The following METTL2A variants were observed in gnomAD, a reference collection of about 807,000 sequenced individuals.
METTL2A encodes tRNA N(3)-cytidine methyltransferase METTL2A.
In METTL2A, 45 loss-of-function variants were observed where a neutral mutation model predicts 49.4. The observed-to-expected ratio is 0.91, with a 90% CI of 0.72 to 1.17. The LOEUF is 1.17. METTL2A is among the 50% of genes most tolerant of loss of function. The pLI, the probability that METTL2A is intolerant of heterozygous loss-of-function variation, is 0.00. For synonymous variants in METTL2A, 118 were observed against 167.5 expected, an observed-to-expected ratio of 0.70 and a Z score of 2.28; for missense variants, 361 against 462.2, an observed-to-expected ratio of 0.78 and a Z score of 2.01.
chr17:62,444,333 G>C (rs992392728), intron 6 of METTL2A, among the ~76,000 whole-genome samples: 1 of 152,240 alleles, frequency 6.6e-6, no homozygotes, highest in Non-Finnish European at 1.5e-5. Flanking sequence ...AGGCCGGAGG[G>C]CAGTGGTGCA....
At chr17:62,427,732 C>G in intron 3 of METTL2A, 56 bp from the exon 4 acceptor site, 1 of 1,612,030 alleles carries the variant, frequency 6.2e-7, no homozygotes, top group Non-Finnish European at 8.5e-7. Flanking sequence ...GCTTTTCTAG[C>G]TTTAGGGAAT....
chr17:62,452,252 G>A lies in METTL2A; in HGVS notation c.*3523G>A, dbSNP rs1332165828. Reference sequence around the variant, plus strand: ...TGGTTCAGGCTCTGCATTTTGGGCAGGAATATTCAGAGGTAATGCTGTGTT... The same window carrying A: ...TGGTTCAGGCTCTGCATTTTGGGCAAGAATATTCAGAGGTAATGCTGTGTT... On this transcript the variant is annotated 3_prime_UTR_variant, in exon 9 of 9. Coordinates refer to ENST00000311506, the MANE Select transcript of METTL2A (RefSeq NM_181725.4). 6.6e-6 allele frequency among the ~76,000 whole-genome samples: 1 copy of A among 152,156 alleles called. No homozygotes were observed. Among genetic ancestry groups the A allele is most frequent in the Non-Finnish European group, 1.5e-5 (1 of 68,034 alleles).
rs529053604 is a variant in METTL2A, at chr17:62,449,604, G to A, written c.*875G>A. 6.8e-5 allele frequency: 20 copies of A among 292,640 alleles called. No individual in the cohort carries two copies. The Admixed American group carries it at 9.5e-4, about 14-fold the overall frequency. The allele number at this position is 292,640 out of a possible 1,614,324, so 18.1% of individuals were successfully genotyped here. ...TGGGTGCCTGTAATCCAGCTACTTG[G>A]GAGACTGAGGCAGGAGAATTGCTTG... On this transcript the variant is annotated 3_prime_UTR_variant, in exon 9 of 9. Transcript: ENST00000311506.
rs189481639 is a variant in METTL2A at position 62,436,808 on chromosome 17, G to A, written c.669+1516G>A. ...TCTTCCTTTCATGAAAGATTTCTCC[G>A]TAGCATGCGATGCTGATAGGATTTT... On this transcript the variant is annotated intron_variant, in intron 5 of 8. Transcript: ENST00000311506. Among the ~76,000 whole-genome samples, 733 of 152,124 alleles carry A rather than the reference G, an allele frequency of 4.8e-3. 6 individuals are homozygous for A. Among genetic ancestry groups the A allele is most frequent in the Non-Finnish European group, 5.7e-3 (389 of 68,000 alleles).
At position 62,429,329 on chromosome 17, in the gene METTL2A, C is replaced by T. The variant is rs536197934; in HGVS notation, c.608+1492C>T. Reference sequence around the variant, plus strand: ...CAAAAGATACAGAGTCTTGCTTCATCACCCAGGTTGGAGTGCAGTGGCACA... The same window carrying T: ...CAAAAGATACAGAGTCTTGCTTCATTACCCAGGTTGGAGTGCAGTGGCACA... On this transcript the variant is annotated intron_variant, in intron 4 of 8. Coordinates refer to ENST00000311506, the MANE Select transcript of METTL2A (RefSeq NM_181725.4). 2.3e-3 allele frequency among the ~76,000 whole-genome samples: 354 copies of T among 152,232 alleles called. 2 individuals carry two copies. Among genetic ancestry groups the T allele is most frequent in the African/African-American group, 8.2e-3 (342 of 41,538 alleles).
In METTL2A at chr17:62,438,973, A is replaced by ATTTTTT. The variant is rs1167283450; in HGVS notation, c.670-1626_670-1621dup. On this transcript the variant is annotated intron_variant, in intron 5 of 8. Coordinates refer to ENST00000311506, the MANE Select transcript of METTL2A (RefSeq NM_181725.4). ...GGGCACATGCCACCACACTTGGCTAATTTTTTTTTTTTTTTTTTTTTTTGC... is the reference window on the plus strand; with the variant it reads ...GGGCACATGCCACCACACTTGGCTAATTTTTTTTTTTTTTTTTTTTTTTTTTTTTGC... Among the ~76,000 whole-genome samples the ATTTTTT allele has an allele frequency of 1.4e-3, 130 of 93,534 alleles. 4 individuals are homozygous for ATTTTTT. Among genetic ancestry groups the ATTTTTT allele is most frequent in the East Asian group, 6.0e-3 (14 of 2,328 alleles). The allele number at this position is 93,534 out of a possible 152,430, so 61.4% of individuals were successfully genotyped here. A position where few individuals can be genotyped will look rare whatever the true frequency, so the allele number is the denominator to read the frequency against.
rs57316654 is a variant in METTL2A at position 62,443,683 on chromosome 17, A to G, written c.810-1154A>G. ...TGGCTCACTGCAATCTCCGCCTCCC[A>G]GGTTCAAGCGATTCTCCTGCCTCAG... On this transcript the variant is annotated intron_variant, in intron 6 of 8. Coordinates refer to ENST00000311506, the MANE Select transcript of METTL2A (RefSeq NM_181725.4). Among the ~76,000 whole-genome samples the G allele has an allele frequency of 1.4e-4, 22 of 152,086 alleles. No individual in the cohort carries two copies. In the East Asian group the frequency reaches 4.1e-3, roughly 28 times the overall value.
At chr17:62,427,123 G>A (rs1193717282) in intron 3 of METTL2A, among the ~76,000 whole-genome samples, 8 of 152,134 alleles carry the variant, frequency 5.3e-5, no homozygotes, top group South Asian at 2.1e-4. Flanking sequence ...GCAGAGTCTA[G>A]ACCTGGAAAA....
In METTL2A at chr17:62,442,467, C is replaced by T. The variant is rs550616212; in HGVS notation, c.809+1711C>T. Among the ~76,000 whole-genome samples the T allele has an allele frequency of 6.6e-5, 10 of 151,682 alleles. No individual in the cohort carries two copies. In the East Asian group the frequency reaches 7.8e-4, roughly 12 times the overall value. On this transcript the variant is annotated intron_variant, in intron 6 of 8. Transcript: ENST00000311506. ...ATATTTTTTGTATTTTTAGTAGAGA[C>T]GGGGTTTCACTATGTTGGCCAGGCT...
intron 4 of METTL2A, among the ~76,000 whole-genome samples, chr17:62,429,300 A>G (rs1264078129): frequency 2.0e-5 from 3 of 151,868 alleles, no homozygotes; most frequent in African/African-American, 7.3e-5. Context: ...TTCATTATGA[A>G]TAACAAAAGA....
intron 3 of METTL2A, 30 bp from the exon 4 acceptor site, chr17:62,427,758 C>T: frequency 6.2e-7 from 1 of 1,605,520 alleles, no homozygotes; most frequent in Non-Finnish European, 8.5e-7. Context: ...CTGGAAAGTT[C>T]TGTGATTAAT....
intron 6 of METTL2A, among the ~76,000 whole-genome samples, chr17:62,441,091 C>A (rs1163049095): frequency 6.6e-6 from 1 of 152,154 alleles, no homozygotes; most frequent in Non-Finnish European, 1.5e-5. Flanking sequence ...TAGGTGTGAG[C>A]CACCATGCCC....
At chr17:62,430,250 A>C (rs1436071347) in intron 4 of METTL2A, among the ~76,000 whole-genome samples, 2 of 152,212 alleles carry the variant, frequency 1.3e-5, no homozygotes, top group Non-Finnish European at 2.9e-5. Context: ...TGAGGAACCC[A>C]CCTCAAATGG....
At position 62,448,766 on chromosome 17, in the gene METTL2A, GTT is replaced by G; in HGVS notation, c.*39_*40del. ...TGCCAACACGATGCAAGCCCATTGT[GTT>G]TCCGGGCTTTTTTAAAAAAAAAATT... On this transcript the variant is annotated 3_prime_UTR_variant, in exon 9 of 9. Coordinates refer to ENST00000311506, the MANE Select transcript of METTL2A (RefSeq NM_181725.4). The G allele has an allele frequency of 6.2e-7, 1 of 1,604,264 alleles. No homozygotes were observed.
At chr17:62,426,277 A>G in intron 2 of METTL2A, 22 bp from the exon 3 acceptor site, 1 of 1,538,094 alleles carries the variant, frequency 6.5e-7, no homozygotes, top group South Asian at 1.2e-5. Context: ...GGTTCTTAAA[A>G]TTTTTTCTTA....
rs1411030762 is a variant in METTL2A, at chr17:62,448,710, T to G, written c.1118T>G (p.Leu373Arg). 13 of 1,614,124 alleles carry G rather than the reference T, an allele frequency of 8.1e-6. No homozygotes were observed. The highest frequency in any genetic ancestry group is 1.1e-5 in the Non-Finnish European group (13 of 1,180,030). The part of the protein sequence containing the change: ...VWIQCKYCKP[L>R]LSSTS Reference sequence around the variant, plus strand: ...ATTCAGTGCAAATACTGCAAGCCCCTTCTGTCCAGCACCAGCTGAGAGGCA... The same window carrying G: ...ATTCAGTGCAAATACTGCAAGCCCCGTCTGTCCAGCACCAGCTGAGAGGCA... The change falls in exon 9 of 9, where the codon CTT (leucine) becomes CGT (arginine). Residue 373 changes from leucine (L) to arginine (R), a missense_variant. Coordinates refer to ENST00000311506, the MANE Select transcript of METTL2A (RefSeq NM_181725.4).
At chr17:62,447,249 A>T (rs530221952) in intron 7 of METTL2A, among the ~76,000 whole-genome samples, 32 of 151,820 alleles carry the variant, frequency 2.1e-4, no homozygotes, top group Non-Finnish European at 4.3e-4. Context: ...TGAAACCCTG[A>T]CTCTACTAAA....
chr17:62,440,340 C>A (rs1289460787), intron 5 of METTL2A, among the ~76,000 whole-genome samples: 1 of 151,954 alleles, frequency 6.6e-6, no homozygotes, highest in Non-Finnish European at 1.5e-5. Flanking sequence ...CTTTCAATAG[C>A]AAAAACCGCA....
intron 6 of METTL2A, among the ~76,000 whole-genome samples, chr17:62,444,029 C>T (rs1464522237): frequency 6.6e-6 from 1 of 152,164 alleles, no homozygotes; most frequent in African/African-American, 2.4e-5. Context: ...AGTGTAAAAC[C>T]CTCTGTCTGT....
Sources: allele counts gnomAD v4.1 joint callset (sites outside exome capture counted in the v4.1 genomes callset), GRCh38; gene constraint gnomAD v4.1.1; transcripts MANE v1.5; gene names NCBI Gene and HGNC (gene_info 2026-07-23, HGNC 2026-07-21).